Variants in SYTL5 observed in about 807,000 individuals in gnomAD.
SYTL5 encodes synaptotagmin-like protein 5.
SYTL5 carries 34 observed loss-of-function variants against 55.9 expected under a neutral mutation model. The ratio of observed to expected loss-of-function variants is 0.61; its 90% CI spans 0.46 to 0.81. SYTL5 has a LOEUF of 0.81. SYTL5 is among the 30% of genes least tolerant of loss of function. The pLI is 0.00. For synonymous variants in SYTL5, 221 were observed against 188.7 expected (o/e 1.17, Z -1.40); for missense variants, 637 against 546.7 (o/e 1.17, Z -1.65).
chrX:38,125,971 A>G (rs1161610274), intron 16 of SYTL5, among the ~76,000 whole-genome samples: 1 of 111,953 alleles, frequency 8.9e-6, no homozygotes, highest in Non-Finnish European at 1.9e-5. Context: ...TTTCATAAAA[A>G]TAACACCAGT....
the SYTL5 span, chrX:37,990,966 C>G: frequency 8.3e-7 from 1 of 1,211,972 alleles, no homozygotes. Context: ...ACGAGACGTC[C>G]AAAGCCAGAG....
intron 15 of SYTL5, among the ~76,000 whole-genome samples, chrX:38,123,435 T>C (rs764687171): frequency 8.9e-6 from 1 of 112,230 alleles, no homozygotes; most frequent in South Asian, 3.7e-4. Context: ...GGCCACATGT[T>C]CTAACTTTGG....
At chrX:38,125,533 T>C in intron 16 of SYTL5, 27 bp downstream of exon 16, 1 of 1,160,963 alleles carries the variant, frequency 8.6e-7, no homozygotes, top group East Asian at 3.0e-5. Context: ...CCCACAGGGA[T>C]GGTCTGTGAC....
chrX:37,997,689 A>G, the SYTL5 span, among the ~76,000 whole-genome samples: 1 of 112,299 alleles, frequency 8.9e-6, no homozygotes, highest in Non-Finnish European at 1.9e-5. Flanking sequence ...CCTGGCACCT[A>G]CAGCCTGGGT....
chrX:38,074,580 G>A (rs187941926), intron 5 of SYTL5, among the ~76,000 whole-genome samples: 32 of 111,506 alleles, frequency 2.9e-4, no homozygotes, highest in Non-Finnish European at 4.9e-4. Context: ...AGACAGCATT[G>A]CTTCATTCTC....
At chrX:37,937,825 A>G in the SYTL5 span, among the ~76,000 whole-genome samples, 1 of 112,477 alleles carries the variant, frequency 8.9e-6, no homozygotes, top group South Asian at 3.7e-4. Context: ...GCAAACATGA[A>G]GATGTCTATG....
intron 3 of SYTL5, among the ~76,000 whole-genome samples, chrX:38,066,062 TGCACTCCAGC>T (rs1936092372): frequency 9.0e-6 from 1 of 111,028 alleles, no homozygotes; most frequent in East Asian, 2.8e-4. Context: ...AGCATGCCAC[TGCACTCCAGC>T]CTGGGTGACA....
intron 15 of SYTL5, among the ~76,000 whole-genome samples, chrX:38,123,646 T>C (rs1317613422): frequency 6.2e-5 from 7 of 112,367 alleles, no homozygotes; most frequent in African/African-American, 2.3e-4. Context: ...AATGAGGAGA[T>C]GACTCCCAAC....
the SYTL5 span, among the ~76,000 whole-genome samples, chrX:37,914,088 G>A: frequency 0.011 from 1,190 of 111,806 alleles, 14 homozygotes; most frequent in African/African-American, 0.037. Flanking sequence ...TCCAACTATT[G>A]TATGAATGTG....
the SYTL5 span, among the ~76,000 whole-genome samples, chrX:37,970,480 T>C: frequency 3.6e-5 from 4 of 110,645 alleles, no homozygotes; most frequent in Admixed American, 2.9e-4. Flanking sequence ...ACAAAGATAT[T>C]TTACCTTTAA....
intron 1 of SYTL5, among the ~76,000 whole-genome samples, chrX:38,031,221 C>T (rs1934943187): frequency 8.9e-6 from 1 of 112,084 alleles, no homozygotes; most frequent in Admixed American, 9.5e-5. Context: ...GTTTTGGCTA[C>T]TTCTGATCTC....
chrX:38,034,068 T>A (rs1271429193), intron 2 of SYTL5, 60 bp downstream of exon 2: 3 of 699,608 alleles, frequency 4.3e-6, no homozygotes, highest in African/African-American at 4.3e-5. Flanking sequence ...TTGAAGCAAT[T>A]TAGATCAGAA....
Position 38,032,733 on chromosome X carries a change from A to AT in SYTL5, c.-356-791dup, listed in dbSNP as rs1013239357. On this transcript the variant is annotated intron_variant, in intron 1 of 16. Transcript: ENST00000297875. ...TTTTCATGAATTCTTCCGTAACGTA[A>AT]TTTTTTTTTTAAGAGACAGGGTCTC... 7.4e-5 allele frequency among the ~76,000 whole-genome samples: 8 copies of AT among 107,918 alleles called. No homozygotes were observed. The South Asian group carries it at 1.2e-3, about 16-fold the overall frequency. The allele number at this position is 107,918 out of a possible 115,157, so 93.7% of individuals were successfully genotyped here.
chrX:38,002,991 A>G (rs1247573426), upstream of SYTL5, among the ~76,000 whole-genome samples: 6 of 111,482 alleles, frequency 5.4e-5, no homozygotes, highest in Non-Finnish European at 9.4e-5. Flanking sequence ...TAGGGTTTTT[A>G]TGGTTTTAGG....
At chrX:38,050,711 A>G (rs1260769990) in intron 2 of SYTL5, among the ~76,000 whole-genome samples, 1 of 111,808 alleles carries the variant, frequency 8.9e-6, no homozygotes, top group Admixed American at 9.5e-5. Flanking sequence ...ACAGCTCCAA[A>G]CTCTTAGTGG....
chrX:38,123,076 G>A (rs868323583), intron 15 of SYTL5, among the ~76,000 whole-genome samples: 1 of 112,030 alleles, frequency 8.9e-6, no homozygotes, highest in Non-Finnish European at 1.9e-5. Flanking sequence ...TATTGGAAAA[G>A]AGTATTTTTT....
At chrX:37,906,225 TG>T in the SYTL5 span, 12 of 112,053 alleles carry the variant, frequency 1.1e-4, no homozygotes, top group Non-Finnish European at 2.3e-4. Context: ...TGTGTCTGTC[TG>T]CCTTTGCTTC....
the SYTL5 span, among the ~76,000 whole-genome samples, chrX:37,903,183 C>T: frequency 6.3e-5 from 7 of 110,303 alleles, no homozygotes; most frequent in East Asian, 5.7e-4. Context: ...CATTCGACCC[C>T]GCCATCCCAT....
At chrX:38,099,008 G>A (rs1937013056) in intron 9 of SYTL5, among the ~76,000 whole-genome samples, 1 of 110,582 alleles carries the variant, frequency 9.0e-6, no homozygotes, top group African/African-American at 3.3e-5. Context: ...GAAGAAGTAG[G>A]GACTGACTGC....
Sources: gnomAD v4.1 joint callset for allele counts (sites outside exome capture counted in the v4.1 genomes callset) on GRCh38, gnomAD v4.1.1 for gene constraint, MANE v1.5 for transcripts, NCBI Gene and HGNC (gene_info 2026-07-23, HGNC 2026-07-21) for gene names.